The following OSBPL8 variants were observed in gnomAD, a reference collection of about 807,000 sequenced individuals.
OSBPL8 encodes the protein oxysterol binding protein like 8.
A neutral mutation model predicts 125.5 loss-of-function variants in OSBPL8; 59 were observed. The ratio of observed to expected loss-of-function variants is 0.47; its 90% CI spans 0.38 to 0.58. OSBPL8 has a LOEUF of 0.58. Among genes scored for constraint, OSBPL8 ranks in the 20% least tolerant of loss-of-function variants. The pLI, the probability that OSBPL8 is intolerant of heterozygous loss-of-function variation, is 0.00. For missense variants in OSBPL8, 758 were observed against 1,047.8 expected (o/e 0.72, Z 3.82); for synonymous variants, 330 against 338.9 (o/e 0.97, Z 0.29).
chr12:76,520,475 G>A (rs564509631), intron 1 of OSBPL8, among the ~76,000 whole-genome samples: 1 of 152,292 alleles, frequency 6.6e-6, no homozygotes, highest in East Asian at 1.9e-4. Context: ...GAATCAAAGT[G>A]TACAACACAC....
At chr12:76,365,174 T>G (rs977848663) in intron 21 of OSBPL8, among the ~76,000 whole-genome samples, 2 of 152,182 alleles carry the variant, frequency 1.3e-5, no homozygotes, top group Non-Finnish European at 2.9e-5. Context: ...CAGTCTGGTC[T>G]CAAGCAGTCC....
At chr12:76,453,631 A>G (rs990840155) in intron 3 of OSBPL8, among the ~76,000 whole-genome samples, 1 of 152,188 alleles carries the variant, frequency 6.6e-6, no homozygotes, top group African/African-American at 2.4e-5. Flanking sequence ...AATCTTTAGA[A>G]TAAGAGAATA....
chr12:76,371,692 A>C, intron 18 of OSBPL8, 108 bp from the exon 19 acceptor site: 1 of 1,045,694 alleles, frequency 9.6e-7, no homozygotes, highest in Non-Finnish European at 1.2e-6. Context: ...CCTCCAGTTA[A>C]AAGCATTTTT....
At position 76,355,326 on chromosome 12, in the gene OSBPL8, C is replaced by A. The variant is rs1019004231; in HGVS notation, c.*563G>T. ...TCTCTCTCGATGTATTCATTTTGAC[C>A]ATTCATACTTTTTCTTTCTTTCTAA... is the stretch of plus-strand genomic sequence containing the variant. On this transcript the variant is annotated 3_prime_UTR_variant, in exon 24 of 24. Transcript: ENST00000261183. The A allele has an allele frequency of 6.6e-6, 1 of 152,198 alleles. No homozygotes were observed. Among genetic ancestry groups the A allele is most frequent in the Non-Finnish European group, 1.5e-5 (1 of 67,928 alleles). 9.4% of individuals were successfully genotyped at this position (152,198 alleles called of 1,614,324 possible). A position where few individuals can be genotyped will look rare whatever the true frequency, so the allele number is the denominator to read the frequency against.
intron 3 of OSBPL8, among the ~76,000 whole-genome samples, chr12:76,453,000 A>ATT (rs77723812): frequency 5.0e-4 from 72 of 143,724 alleles, no homozygotes; most frequent in South Asian, 5.0e-3. Flanking sequence ...ACAATTTGGC[A>ATT]TTTTTTTTTT....
intron 1 of OSBPL8, among the ~76,000 whole-genome samples, chr12:76,544,259 A>T (rs1387335744): frequency 1.3e-5 from 2 of 152,140 alleles, no homozygotes; most frequent in African/African-American, 4.8e-5. Context: ...TATTTATACT[A>T]AAAATGGCCT....
intron 2 of OSBPL8, among the ~76,000 whole-genome samples, chr12:76,470,757 G>T (rs1486337876): frequency 6.6e-6 from 1 of 152,104 alleles, no homozygotes; most frequent in Non-Finnish European, 1.5e-5. Context: ...CAACCCCCAT[G>T]ACTCATCAAT....
chr12:76,495,515 C>T (rs143338290), intron 1 of OSBPL8, among the ~76,000 whole-genome samples: 1,723 of 152,296 alleles, frequency 0.011, 9 homozygotes, highest in Non-Finnish European at 0.017. Flanking sequence ...TCTGCTGCTG[C>T]CAAATGACTG....
At chr12:76,376,281 G>A (rs1006341393) in intron 16 of OSBPL8, among the ~76,000 whole-genome samples, 6 of 152,252 alleles carry the variant, frequency 3.9e-5, no homozygotes, top group African/African-American at 1.4e-4. Flanking sequence ...GGTTGTGTGT[G>A]TATCTGCTGT....
At chr12:76,483,660 CTTTTTTT>C (rs869202382) in intron 2 of OSBPL8, among the ~76,000 whole-genome samples, 6 of 57,436 alleles carry the variant, frequency 1.0e-4, no homozygotes, top group South Asian at 7.2e-4. Context: ...CTGTAATAGT[CTTTTTTT>C]TTTTTTTTTT....
intron 19 of OSBPL8, among the ~76,000 whole-genome samples, chr12:76,370,711 C>T (rs973466407): frequency 6.6e-6 from 1 of 152,142 alleles, no homozygotes; most frequent in Non-Finnish European, 1.5e-5. Context: ...ATACATTCTT[C>T]CATCTTTGAC....
chr12:76,391,931 T>A (rs1456236343), intron 10 of OSBPL8, among the ~76,000 whole-genome samples: 3 of 151,866 alleles, frequency 2.0e-5, no homozygotes, highest in Non-Finnish European at 4.4e-5. Flanking sequence ...AGCCAAGGGG[T>A]GGGGACAGGG....
chr12:76,386,771 T>C (rs1036621602), intron 12 of OSBPL8, 111 bp from the exon 13 acceptor site: 3 of 672,796 alleles, frequency 4.5e-6, no homozygotes, highest in African/African-American at 1.8e-5. Flanking sequence ...ATAATTCTTA[T>C]TTTAAATGGA....
intron 1 of OSBPL8, among the ~76,000 whole-genome samples, chr12:76,513,971 GTTA>G (rs1183585081): frequency 2.0e-5 from 3 of 151,936 alleles, no homozygotes; most frequent in African/African-American, 7.3e-5. Context: ...TTGTTGGCTG[GTTA>G]TTATGTTGGC....
intron 12 of OSBPL8, among the ~76,000 whole-genome samples, 168 bp downstream of exon 12, chr12:76,389,477 T>C (rs1435235317): frequency 6.6e-6 from 1 of 152,166 alleles, no homozygotes; most frequent in Admixed American, 6.5e-5. Flanking sequence ...TATAGCAAAG[T>C]ATCAAACATG....
At chr12:76,443,121 GA>G (rs143732529) in intron 4 of OSBPL8, among the ~76,000 whole-genome samples, 1,605 of 152,192 alleles carry the variant, frequency 0.011, 39 homozygotes, top group African/African-American at 0.037. Flanking sequence ...TGATAAAACT[GA>G]TTAAGCAGGT....
Position 76,487,510 on chromosome 12 carries a change from C to A in OSBPL8, c.42G>T (p.Ser14=), listed in dbSNP as rs772196858. 13 of 1,603,660 alleles carry A rather than the reference C, an allele frequency of 8.1e-6. No individual in the cohort carries two copies. Among genetic ancestry groups the A allele is most frequent in the Non-Finnish European group, 1.1e-5 (13 of 1,175,644 alleles). Residue 14 remains serine (S), a splice_region_variant and synonymous_variant, in exon 2 of 24, where the codon TCG becomes TCT. Coordinates refer to ENST00000261183, the MANE Select transcript of OSBPL8 (RefSeq NM_020841.5). ...GLADGEPDRT[S]LLGDSKDVLG... ...CCTATGTCATATATGAACTACTCAC[C>A]GAAGTTCGATCAGGTTCTCCATCTG...
chr12:76,512,209 G>A lies in OSBPL8; in HGVS notation c.-67-24591C>T, dbSNP rs184135209. Among the ~76,000 whole-genome samples the A allele has an allele frequency of 1.7e-3, 258 of 152,242 alleles. 1 individual carries two copies. Among genetic ancestry groups the A allele is most frequent in the African/African-American group, 6.0e-3 (249 of 41,534 alleles). ...CTTATCCTTTAACTCCCACTTATAA[G>A]AGAGAACATGCAGTATCTGTTTTTC... On this transcript the variant is annotated intron_variant, in intron 1 of 23. Coordinates refer to ENST00000261183, the MANE Select transcript of OSBPL8 (RefSeq NM_020841.5).
chr12:76,408,998 T>TAA (rs1565872880), intron 5 of OSBPL8, among the ~76,000 whole-genome samples: 1,717 of 151,484 alleles, frequency 0.011, 40 homozygotes, highest in African/African-American at 0.04. Context: ...GATCTTTTTT[T>TAA]TAAAAAAAAA....
Sources: allele counts gnomAD v4.1 joint callset (sites outside exome capture counted in the v4.1 genomes callset), GRCh38; gene constraint gnomAD v4.1.1; transcripts MANE v1.5; gene names NCBI Gene and HGNC (gene_info 2026-07-23, HGNC 2026-07-21).